The following ENOX2 variants were observed in gnomAD, a reference collection of about 807,000 sequenced individuals.
The protein encoded by ENOX2 is ecto-NOX disulfide-thiol exchanger 2.
ENOX2 carries 36 observed loss-of-function variants against 45.0 expected under a neutral mutation model. The observed-to-expected ratio is 0.80, with a 90% CI of 0.61 to 1.06. ENOX2 has a LOEUF of 1.06. Ranked by LOEUF, ENOX2 falls within the 50% of genes least tolerant of loss-of-function variation. The probability of loss-of-function intolerance (pLI) is 0.00; values close to 1 mark genes in which losing one functional copy is unlikely to be tolerated. For missense variants in ENOX2, 423 were observed against 462.5 expected (o/e 0.91, Z 0.78); for synonymous variants, 174 against 152.3 (o/e 1.14, Z -1.05).
intron 6 of ENOX2, among the ~76,000 whole-genome samples, chrX:130,671,447 C>T (rs909118751): frequency 9.0e-6 from 1 of 110,954 alleles, no homozygotes. Flanking sequence ...AGACAGGGCA[C>T]GATGGTGTTC....
At chrX:130,763,239 C>T (rs1051724205) in intron 3 of ENOX2, among the ~76,000 whole-genome samples, 3 of 110,711 alleles carry the variant, frequency 2.7e-5, no homozygotes, top group African/African-American at 9.9e-5. Context: ...GTGTTATTGC[C>T]TCATTATTGC....
intron 2 of ENOX2, among the ~76,000 whole-genome samples, chrX:130,888,137 C>T (rs1018739743): frequency 9.8e-5 from 11 of 111,838 alleles, no homozygotes; most frequent in South Asian, 3.7e-4. Flanking sequence ...ATATATTTAA[C>T]ACTGAAAAAC....
chrX:130,813,675 G>T (rs1345847596), intron 2 of ENOX2, among the ~76,000 whole-genome samples: 1 of 111,739 alleles, frequency 8.9e-6, no homozygotes. Flanking sequence ...CCTAGCCAAG[G>T]GAAGCCATGA....
chrX:130,662,346 G>C (rs1267469933), intron 9 of ENOX2, among the ~76,000 whole-genome samples: 1 of 112,317 alleles, frequency 8.9e-6, no homozygotes. Flanking sequence ...GAGTAAGACC[G>C]TGTTGGCTGC....
chrX:130,846,737 G>A lies in ENOX2; in HGVS notation c.-183+54947C>T, dbSNP rs188569242. The stretch of plus-strand genomic sequence containing the variant: ...TTCAGTTTATCAGAAGCACATTTTC[G>A]GTACAAAGTGAGGTATCCATGTACC... On this transcript the variant is annotated intron_variant, in intron 2 of 14. Coordinates refer to ENST00000394363, the MANE Select transcript of ENOX2 (RefSeq NM_006375.4). Among the ~76,000 whole-genome samples, 279 of 112,380 alleles carry A rather than the reference G, an allele frequency of 2.5e-3. 1 individual carries two copies. The highest frequency in any genetic ancestry group is 8.6e-3 in the African/African-American group (265 of 30,981).
At chrX:130,892,820 T>C (rs149973956) in intron 2 of ENOX2, among the ~76,000 whole-genome samples, 1,230 of 112,398 alleles carry the variant, frequency 0.011, 25 homozygotes, top group African/African-American at 0.038. Context: ...GTTAATGATA[T>C]GCATAAAAAA....
At chrX:130,840,660 G>A (rs2078000958) in intron 2 of ENOX2, among the ~76,000 whole-genome samples, 1 of 110,600 alleles carries the variant, frequency 9.0e-6, no homozygotes, top group Admixed American at 9.7e-5. Context: ...TGAGTCTAGG[G>A]GTTCAAGACC....
chrX:130,778,793 A>G (rs1228067261), intron 3 of ENOX2, among the ~76,000 whole-genome samples: 2 of 112,294 alleles, frequency 1.8e-5, no homozygotes, highest in South Asian at 7.4e-4. Flanking sequence ...CTTTTGACGC[A>G]TTTAAGGACA....
chrX:130,712,905 C>CA (rs1293240310), intron 3 of ENOX2, among the ~76,000 whole-genome samples: 1 of 112,024 alleles, frequency 8.9e-6, no homozygotes, highest in Non-Finnish European at 1.9e-5. Context: ...GAGGTTGCTG[C>CA]AGACCTGTAT....
At chrX:130,654,246 G>C (rs1456248233) in intron 10 of ENOX2, among the ~76,000 whole-genome samples, 3 of 111,683 alleles carry the variant, frequency 2.7e-5, no homozygotes, top group Non-Finnish European at 5.7e-5. Context: ...TTCTTCCATG[G>C]CAAGAGTATT....
intron 3 of ENOX2, among the ~76,000 whole-genome samples, chrX:130,758,217 C>T (rs771456532): frequency 5.4e-5 from 6 of 112,062 alleles, no homozygotes; most frequent in African/African-American, 1.9e-4. Flanking sequence ...AGAACATTTC[C>T]ATCACCACAA....
chrX:130,853,952 A>C (rs189849767), intron 2 of ENOX2, among the ~76,000 whole-genome samples: 1 of 111,854 alleles, frequency 8.9e-6, no homozygotes, highest in East Asian at 2.8e-4. Context: ...TGATGTCAGA[A>C]GAAACCAAGT....
At chrX:130,875,181 T>C (rs988240226) in intron 2 of ENOX2, among the ~76,000 whole-genome samples, 2 of 111,481 alleles carry the variant, frequency 1.8e-5, no homozygotes, top group Non-Finnish European at 3.8e-5. Flanking sequence ...TCTCATGGGA[T>C]CTTATTCTAA....
intron 10 of ENOX2, chrX:130,645,665 A>T (rs1343756530): frequency 2.1e-6 from 1 of 480,367 alleles, no homozygotes; most frequent in Non-Finnish European, 3.4e-6. Flanking sequence ...CCCAGCACCT[A>T]AGGGCTGGGC....
At chrX:130,841,707 C>A (rs930486272) in intron 2 of ENOX2, among the ~76,000 whole-genome samples, 1 of 112,066 alleles carries the variant, frequency 8.9e-6, no homozygotes, top group Non-Finnish European at 1.9e-5. Context: ...ACTGTGAAAT[C>A]TGAGTCTACA....
At chrX:130,697,612 A>C (rs964064194) in intron 4 of ENOX2, among the ~76,000 whole-genome samples, 3 of 111,853 alleles carry the variant, frequency 2.7e-5, no homozygotes, top group Admixed American at 9.5e-5. Flanking sequence ...TGGAGTCACT[A>C]TGAGGGTAGG....
At chrX:130,828,015 A>G (rs2077750969) in intron 2 of ENOX2, among the ~76,000 whole-genome samples, 2 of 112,410 alleles carry the variant, frequency 1.8e-5, no homozygotes, top group South Asian at 3.6e-4. Flanking sequence ...TTTTCCGAAG[A>G]GGAAATGGAT....
intron 3 of ENOX2, among the ~76,000 whole-genome samples, chrX:130,770,632 G>A (rs2039718182): frequency 8.9e-6 from 1 of 111,834 alleles, no homozygotes; most frequent in Admixed American, 9.5e-5. Flanking sequence ...CAAAGGACTA[G>A]TAAACATTTG....
intron 2 of ENOX2, among the ~76,000 whole-genome samples, chrX:130,831,187 T>C (rs1238656946): frequency 9.0e-6 from 1 of 110,873 alleles, no homozygotes; most frequent in African/African-American, 3.3e-5. Context: ...AATCATCTCT[T>C]ACGGGTACCA....
Sources: allele counts gnomAD v4.1 joint callset (sites outside exome capture counted in the v4.1 genomes callset), GRCh38; gene constraint gnomAD v4.1.1; transcripts MANE v1.5; gene names NCBI Gene and HGNC (gene_info 2026-07-23, HGNC 2026-07-21).